JAK1: variants seen among roughly 807,000 people sequenced by gnomAD.
JAK1 encodes the protein Janus kinase 1, also known as tyrosine-protein kinase JAK1.
JAK1 carries 16 observed loss-of-function variants against 136.6 expected under a neutral mutation model. That is an observed-to-expected ratio of 0.12 (90% confidence interval 0.08 to 0.18). The LOEUF (loss-of-function observed/expected upper bound fraction) is 0.18. Among genes scored for constraint, JAK1 ranks in the 10% least tolerant of loss-of-function variants. The pLI is 1.00. For missense variants in JAK1, 859 were observed against 1,450.1 expected, an observed-to-expected ratio of 0.59 and a Z score of 6.62; for synonymous variants, 492 against 519.5, an observed-to-expected ratio of 0.95 and a Z score of 0.72.
intron 1 of JAK1, among the ~76,000 whole-genome samples, chr1:64,905,380 A>G (rs1458527148): frequency 6.6e-6 from 1 of 152,248 alleles, no homozygotes; most frequent in Non-Finnish European, 1.5e-5. Context: ...TAGAATGCAT[A>G]CATGTTTTTA....
chr1:64,878,926 A>G (rs1472932282), intron 4 of JAK1, 99 bp downstream of exon 4: 1 of 1,137,728 alleles, frequency 8.8e-7, no homozygotes, highest in Non-Finnish European at 1.2e-6. Context: ...TACAAAAATG[A>G]CTACAATACT....
chr1:64,961,703 C>T (rs1463474149), intron 1 of JAK1, among the ~76,000 whole-genome samples: 1 of 151,944 alleles, frequency 6.6e-6, no homozygotes, highest in East Asian at 2.0e-4. Flanking sequence ...ACTTCCTTCC[C>T]ACCCTAAAAC....
At chr1:64,838,771 G>C (rs1242229098) in intron 20 of JAK1, among the ~76,000 whole-genome samples, 182 bp from the exon 21 acceptor site, 1 of 152,150 alleles carries the variant, frequency 6.6e-6, no homozygotes, top group African/African-American at 2.4e-5. Flanking sequence ...TGGTAACAAT[G>C]GTGTACCTAC....
chr1:64,900,583 TCTAA>T (rs1243869945), intron 1 of JAK1, among the ~76,000 whole-genome samples: 2 of 152,150 alleles, frequency 1.3e-5, no homozygotes, highest in Admixed American at 1.3e-4. Context: ...CCCTAATCGT[TCTAA>T]CTCTGTTGTC....
Position 64,952,192 on chromosome 1 carries a change from G to C in JAK1, c.-78+14141C>G, listed in dbSNP as rs370891507. 2.4e-4 allele frequency among the ~76,000 whole-genome samples: 37 copies of C among 152,342 alleles called. 1 individual carries two copies. In the East Asian group the frequency reaches 6.6e-3, roughly 27 times the overall value. The stretch of plus-strand genomic sequence containing the variant: ...TGCCATCTCAAAAGCAGGAGTGTGA[G>C]GGAAAGCAGAGTGTAGGTTCATAAG... On this transcript the variant is annotated intron_variant, in intron 1 of 24. Transcript: ENST00000342505.
intron 5 of JAK1, among the ~76,000 whole-genome samples, chr1:64,872,186 G>T (rs531166097): frequency 1.3e-5 from 2 of 152,236 alleles, no homozygotes; most frequent in Non-Finnish European, 2.9e-5. Context: ...CTGCTAAGGA[G>T]AGAGTGCTAC....
At chr1:64,840,251 C>T (rs1654805031) in intron 19 of JAK1, among the ~76,000 whole-genome samples, 1 of 152,164 alleles carries the variant, frequency 6.6e-6, no homozygotes, top group African/African-American at 2.4e-5. Flanking sequence ...GTCCCCAAAT[C>T]GGAGCTGGCT....
intron 2 of JAK1, among the ~76,000 whole-genome samples, chr1:65,000,128 T>A (rs1180216357): frequency 6.6e-6 from 1 of 151,774 alleles, no homozygotes; most frequent in East Asian, 1.9e-4. Flanking sequence ...GTAGCTGGGA[T>A]TACAGGCATG....
chr1:64,946,361 T>C (rs1645985697), intron 1 of JAK1, among the ~76,000 whole-genome samples: 1 of 152,212 alleles, frequency 6.6e-6, no homozygotes, highest in African/African-American at 2.4e-5. Flanking sequence ...ACCCCCTCTC[T>C]GCAAATAAGT....
intron 1 of JAK1, among the ~76,000 whole-genome samples, chr1:64,957,335 C>T (rs566493933): frequency 2.6e-5 from 4 of 152,296 alleles, no homozygotes; most frequent in African/African-American, 9.6e-5. Flanking sequence ...AGTAATAAAG[C>T]ACATAAGGCC....
upstream of JAK1, among the ~76,000 whole-genome samples, chr1:64,969,600 C>G (rs11208559): frequency 0.41 from 61,567 of 151,940 alleles, 14,968 homozygotes; most frequent in East Asian, 0.66. Flanking sequence ...CGAGAGATGA[C>G]AGCCTATCTA....
intron 1 of JAK1, among the ~76,000 whole-genome samples, chr1:64,922,457 G>A (rs1290190499): frequency 6.6e-6 from 1 of 151,242 alleles, no homozygotes; most frequent in Non-Finnish European, 1.5e-5. Flanking sequence ...GAGTATAAAT[G>A]TCATGTACCT....
At chr1:64,912,807 T>C (rs893392483) in intron 1 of JAK1, among the ~76,000 whole-genome samples, 2 of 152,136 alleles carry the variant, frequency 1.3e-5, no homozygotes, top group African/African-American at 4.8e-5. Context: ...ACATGAAACA[T>C]TTAGGCTTTG....
At chr1:64,836,898 C>CT (rs1038342716) in intron 22 of JAK1, among the ~76,000 whole-genome samples, 3 of 152,156 alleles carry the variant, frequency 2.0e-5, no homozygotes, top group Non-Finnish European at 4.4e-5. Flanking sequence ...CCTCCTTAAA[C>CT]TCTCCAGCAG....
At chr1:64,989,575 A>G (rs1007086439) in intron 2 of JAK1, 1 of 152,096 alleles carries the variant, frequency 6.6e-6, no homozygotes, top group Non-Finnish European at 1.5e-5. Context: ...GGACTGGCAC[A>G]AAATGCTCAC....
At chr1:64,843,301 C>G (rs1655023821) in intron 17 of JAK1, among the ~76,000 whole-genome samples, 1 of 152,206 alleles carries the variant, frequency 6.6e-6, no homozygotes, top group Non-Finnish European at 1.5e-5. Context: ...CTCTAAACAA[C>G]AGGAGCACAT....
At chr1:64,846,796 G>A (rs2101010603) in intron 13 of JAK1, 60 bp from the exon 14 acceptor site, 3 of 1,361,426 alleles carry the variant, frequency 2.2e-6, no homozygotes, top group Admixed American at 3.6e-5. Flanking sequence ...TGCTCCCCAG[G>A]GGCTCTGTTG....
chr1:64,876,088 G>A (rs1011792721), intron 4 of JAK1: 1 of 152,276 alleles, frequency 6.6e-6, no homozygotes, highest in African/African-American at 2.4e-5. Context: ...AAAGAAAAGG[G>A]TTCCGAGGAT....
At chr1:64,910,512 C>T (rs1645265119) in intron 1 of JAK1, among the ~76,000 whole-genome samples, 1 of 152,174 alleles carries the variant, frequency 6.6e-6, no homozygotes. Context: ...TTCCCAATTA[C>T]TTTGAAGAGT....
Sources: gnomAD v4.1 joint callset for allele counts (sites outside exome capture counted in the v4.1 genomes callset) on GRCh38, gnomAD v4.1.1 for gene constraint, MANE v1.5 for transcripts, NCBI Gene and HGNC (gene_info 2026-07-23, HGNC 2026-07-21) for gene names.